The following FRMD4A variants were observed in gnomAD, a reference collection of about 807,000 sequenced individuals.
FRMD4A encodes FERM domain containing 4A.
FRMD4A carries 29 observed loss-of-function variants against 129.1 expected under a neutral mutation model. The ratio of observed to expected loss-of-function variants is 0.22; its 90% CI spans 0.17 to 0.31. The LOEUF is 0.31. Ranked by LOEUF, FRMD4A falls within the 10% of genes least tolerant of loss-of-function variation. FRMD4A has a pLI of 1.00. For missense variants in FRMD4A, 1,272 were observed against 1,375.8 expected (o/e 0.92, Z 1.19); for synonymous variants, 634 against 571.6 (o/e 1.11, Z -1.56).
chr10:14,255,496 G>C (rs1387506577), intron 2 of FRMD4A, among the ~76,000 whole-genome samples: 1 of 152,190 alleles, frequency 6.6e-6, no homozygotes, highest in Non-Finnish European at 1.5e-5. Context: ...ACTTGGAATT[G>C]TACATTTTAA....
chr10:13,705,256 C>T lies in FRMD4A; in HGVS notation c.836+1781G>A, dbSNP rs935409461. 3.3e-5 allele frequency among the ~76,000 whole-genome samples: 5 copies of T among 152,298 alleles called. No individual in the cohort carries two copies. The East Asian group carries it at 5.8e-4, about 18-fold the overall frequency. ...AGGCGACAGGCCCACTGAATAGTCA[C>T]GTGTGAGATCTAGATTCTTTCCTAT... On this transcript the variant is annotated intron_variant, in intron 13 of 24. Transcript: ENST00000357447.
chr10:14,104,826 A>T (rs984053217), intron 2 of FRMD4A, among the ~76,000 whole-genome samples: 4 of 152,222 alleles, frequency 2.6e-5, no homozygotes, highest in African/African-American at 9.6e-5. Context: ...GGAAAACCAA[A>T]CCATCTCAGG....
intron 2 of FRMD4A, among the ~76,000 whole-genome samples, chr10:13,995,974 A>C (rs2095621180): frequency 6.6e-6 from 1 of 152,138 alleles, no homozygotes; most frequent in Non-Finnish European, 1.5e-5. Flanking sequence ...CAAATCCCAT[A>C]AACTGGGGAG....
intron 2 of FRMD4A, among the ~76,000 whole-genome samples, chr10:14,020,804 C>T (rs1364669879): frequency 2.0e-5 from 3 of 152,052 alleles, no homozygotes; most frequent in South Asian, 4.1e-4. Context: ...TTAGAAAGAA[C>T]CCAAATTCCC....
chr10:13,919,937 C>CA (rs373449979), intron 2 of FRMD4A, among the ~76,000 whole-genome samples: 1 of 151,972 alleles, frequency 6.6e-6, no homozygotes, highest in Non-Finnish European at 1.5e-5. Flanking sequence ...GATCCTGTCT[C>CA]AAAAAACAAA....
chr10:13,924,474 T>C (rs2095107825), intron 2 of FRMD4A, among the ~76,000 whole-genome samples: 1 of 151,866 alleles, frequency 6.6e-6, no homozygotes, highest in Non-Finnish European at 1.5e-5. Context: ...CACTTACCGT[T>C]CCCTCTGCCT....
At chr10:14,140,700 T>C (rs1839791201) in intron 2 of FRMD4A, among the ~76,000 whole-genome samples, 1 of 152,184 alleles carries the variant, frequency 6.6e-6, no homozygotes, top group African/African-American at 2.4e-5. Flanking sequence ...TATGGATCCA[T>C]CTTCCCTCTA....
chr10:13,962,938 A>G lies in FRMD4A; in HGVS notation c.46-104026T>C, dbSNP rs7894354. 5.4e-3 allele frequency among the ~76,000 whole-genome samples: 818 copies of G among 152,382 alleles called. 5 individuals are homozygous for G. Among genetic ancestry groups the G allele is most frequent in the African/African-American group, 0.019 (778 of 41,592 alleles). On this transcript the variant is annotated intron_variant, in intron 2 of 24. Transcript: ENST00000357447. Reference sequence around the variant, plus strand: ...CCCTTATGTCATGTCAGATTCAAGAATATTTCATGAACAAAGTAAAAATTG... The same window carrying G: ...CCCTTATGTCATGTCAGATTCAAGAGTATTTCATGAACAAAGTAAAAATTG...
At chr10:14,172,515 C>A (rs758566012) in intron 2 of FRMD4A, among the ~76,000 whole-genome samples, 1 of 152,166 alleles carries the variant, frequency 6.6e-6, no homozygotes, top group Non-Finnish European at 1.5e-5. Context: ...TCGAAGTCTA[C>A]GAGAGTTGTA....
chr10:13,919,407 G>A (rs190575009), intron 2 of FRMD4A, among the ~76,000 whole-genome samples: 1 of 152,004 alleles, frequency 6.6e-6, no homozygotes, highest in African/African-American at 2.4e-5. Flanking sequence ...TGGCAGGGCG[G>A]GTCCAAGAGA....
intron 2 of FRMD4A, among the ~76,000 whole-genome samples, chr10:13,906,697 C>G (rs2094885623): frequency 6.6e-6 from 1 of 152,136 alleles, no homozygotes. Flanking sequence ...TGAATTACAT[C>G]TTGTAAGTTA....
chr10:14,005,112 T>A (rs1275667196), intron 2 of FRMD4A, among the ~76,000 whole-genome samples: 1 of 151,770 alleles, frequency 6.6e-6, no homozygotes, highest in Non-Finnish European at 1.5e-5. Flanking sequence ...AACCTCCACC[T>A]CCCAGGTTCA....
intron 2 of FRMD4A, chr10:14,007,260 A>T (rs892343856): frequency 6.6e-6 from 1 of 152,210 alleles, no homozygotes; most frequent in East Asian, 1.9e-4. Context: ...CCACAATTCA[A>T]ACATGGGCTT....
chr10:13,732,817 T>C (rs546879740), intron 12 of FRMD4A, among the ~76,000 whole-genome samples: 2 of 152,324 alleles, frequency 1.3e-5, no homozygotes, highest in East Asian at 3.9e-4. Flanking sequence ...CTGCCCTCGG[T>C]GTGCAGGGAC....
intron 12 of FRMD4A, among the ~76,000 whole-genome samples, chr10:13,709,055 C>T (rs763643809): frequency 1.3e-5 from 2 of 152,136 alleles, no homozygotes; most frequent in African/African-American, 2.4e-5. Context: ...CTCTGCCTCT[C>T]GGGTTCAAGC....
intron 2 of FRMD4A, among the ~76,000 whole-genome samples, chr10:14,014,548 A>T (rs779668054): frequency 6.6e-6 from 1 of 152,162 alleles, no homozygotes; most frequent in Non-Finnish European, 1.5e-5. Context: ...GTCACGTCTC[A>T]TTAGAGGAAG....
chr10:13,672,399 C>G (rs1049210433), intron 16 of FRMD4A, among the ~76,000 whole-genome samples: 1 of 151,114 alleles, frequency 6.6e-6, no homozygotes, highest in Non-Finnish European at 1.5e-5. Flanking sequence ...AGTAACACAA[C>G]TATTGAGGGT....
At chr10:13,968,960 C>CTA (rs2095501752) in intron 2 of FRMD4A, among the ~76,000 whole-genome samples, 1 of 152,142 alleles carries the variant, frequency 6.6e-6, no homozygotes, top group Non-Finnish European at 1.5e-5. Flanking sequence ...TCCTGTGAGA[C>CTA]TATGAAGAAT....
chr10:14,185,647 G>GGGTGGTT (rs1360663352), intron 2 of FRMD4A, among the ~76,000 whole-genome samples: 1 of 152,190 alleles, frequency 6.6e-6, no homozygotes, highest in African/African-American at 2.4e-5. Context: ...AGAGCTGCAG[G>GGGTGGTT]GGCGGTTGTT....
Sources: allele counts gnomAD v4.1 joint callset (sites outside exome capture counted in the v4.1 genomes callset), GRCh38; gene constraint gnomAD v4.1.1; transcripts MANE v1.5; gene names NCBI Gene and HGNC (gene_info 2026-07-23, HGNC 2026-07-21).